MYO5A: variants seen among roughly 807,000 people sequenced by gnomAD.
The protein encoded by MYO5A is unconventional myosin-Va.
MYO5A carries 98 observed loss-of-function variants against 249.7 expected under a neutral mutation model. The ratio of observed to expected loss-of-function variants is 0.39; its 90% CI spans 0.33 to 0.46. The LOEUF is 0.46. Among genes scored for constraint, MYO5A ranks in the 20% least tolerant of loss-of-function variants. The probability of loss-of-function intolerance (pLI) is 0.98; values close to 1 mark genes in which losing one functional copy is unlikely to be tolerated. For missense variants in MYO5A, 1,696 were observed against 2,308.8 expected (o/e 0.73, Z 5.44); for synonymous variants, 778 against 810.6 (o/e 0.96, Z 0.68).
intron 2 of MYO5A, among the ~76,000 whole-genome samples, chr15:52,431,246 A>AAAAAAAAAAAAAAAAT (rs57077086): frequency 1.4e-5 from 2 of 144,538 alleles, no homozygotes; most frequent in Non-Finnish European, 1.5e-5. Context: ...AAAAAAAAAA[A>AAAAAAAAAAAAAAAAT]GTCTAGTGCA....
intron 25 of MYO5A, among the ~76,000 whole-genome samples, chr15:52,357,151 C>A (rs1488638923): frequency 6.6e-6 from 1 of 151,926 alleles, no homozygotes; most frequent in Non-Finnish European, 1.5e-5. Flanking sequence ...CTCTATACGT[C>A]CCCCATAAAA....
chr15:52,325,611 G>C (rs1490361440), intron 36 of MYO5A, among the ~76,000 whole-genome samples: 1 of 151,748 alleles, frequency 6.6e-6, no homozygotes, highest in African/African-American at 2.4e-5. Flanking sequence ...AATGTTGTCA[G>C]GGTTGGTCTC....
intron 6 of MYO5A, 30 bp from the exon 7 acceptor site, chr15:52,408,170 G>A (rs1312569071): frequency 1.1e-5 from 14 of 1,273,584 alleles, no homozygotes; most frequent in Non-Finnish European, 1.6e-5. Flanking sequence ...TTCAATTACA[G>A]CATTTTAATC....
At chr15:52,440,124 C>T (rs181034128) in intron 1 of MYO5A, among the ~76,000 whole-genome samples, 1 of 152,346 alleles carries the variant, frequency 6.6e-6, no homozygotes, top group African/African-American at 2.4e-5. Flanking sequence ...TAGAAAGGCA[C>T]GTTCAAGGGA....
At chr15:52,517,165 A>G (rs960688853) in intron 1 of MYO5A, among the ~76,000 whole-genome samples, 6 of 152,214 alleles carry the variant, frequency 3.9e-5, no homozygotes, top group East Asian at 1.9e-4. Context: ...ATGCACATAA[A>G]GAGTGCTATT....
rs780876880 is a variant in MYO5A, at chr15:52,348,858, CAG to C, written c.3850-34_3850-33del. ...ATCACAAGTCAGCAAGCACAAAAAA[CAG>C]AGAAAACAATAAACCCTTAGTTCCA... On this transcript the variant is annotated intron_variant, in intron 28 of 41. Coordinates refer to ENST00000399233, the MANE Select transcript of MYO5A (RefSeq NM_001382347.1). 4.4e-6 allele frequency: 7 copies of C among 1,594,996 alleles called. No homozygotes were observed. In the African/African-American group the frequency reaches 9.5e-5, roughly 22 times the overall value.
At chr15:52,388,134 C>T (rs182835709) in intron 13 of MYO5A, among the ~76,000 whole-genome samples, 19 of 152,242 alleles carry the variant, frequency 1.2e-4, no homozygotes, top group African/African-American at 3.9e-4. Flanking sequence ...ACAGTGGTAG[C>T]GCTGATTGTG....
chr15:52,325,499 T>C (rs1013798625), intron 36 of MYO5A, among the ~76,000 whole-genome samples: 2 of 150,642 alleles, frequency 1.3e-5, no homozygotes, highest in African/African-American at 4.9e-5. Context: ...CCTCACAGGC[T>C]CGAGCGATCC....
chr15:52,401,772 G>T (rs1344007165), intron 9 of MYO5A, among the ~76,000 whole-genome samples: 6 of 152,054 alleles, frequency 3.9e-5, no homozygotes, highest in African/African-American at 1.4e-4. Context: ...TCTCCTTTAT[G>T]AATTTTCATT....
chr15:52,461,609 T>C (rs1035543753), intron 1 of MYO5A, among the ~76,000 whole-genome samples: 1 of 152,162 alleles, frequency 6.6e-6, no homozygotes, highest in African/African-American at 2.4e-5. Flanking sequence ...TTAAATCTTA[T>C]ATGCTATCTA....
chr15:52,476,294 G>A (rs1284447043), intron 1 of MYO5A, among the ~76,000 whole-genome samples: 5 of 151,932 alleles, frequency 3.3e-5, no homozygotes, highest in South Asian at 2.1e-4. Context: ...GTCTCTGCAC[G>A]TGAGATGGGT....
chr15:52,506,484 G>A (rs34099958), intron 1 of MYO5A, among the ~76,000 whole-genome samples: 22,597 of 150,398 alleles, frequency 0.15, 1,804 homozygotes, highest in Middle Eastern at 0.23. Context: ...CCGAGATCGC[G>A]CCATTGTACT....
intron 8 of MYO5A, among the ~76,000 whole-genome samples, chr15:52,406,511 T>C (rs2043009937): frequency 6.6e-6 from 1 of 152,250 alleles, no homozygotes; most frequent in South Asian, 2.1e-4. Flanking sequence ...TTTGAGATTC[T>C]GCATTTCTAG....
chr15:52,463,641 T>C (rs1355151841), intron 1 of MYO5A, among the ~76,000 whole-genome samples: 3 of 152,252 alleles, frequency 2.0e-5, no homozygotes, highest in Admixed American at 6.5e-5. Context: ...ACTGGAAACA[T>C]TGTTAATCTG....
At chr15:52,405,164 C>G in intron 9 of MYO5A, 123 bp downstream of exon 9, 8 of 773,970 alleles carry the variant, frequency 1.0e-5, no homozygotes, top group Non-Finnish European at 1.8e-5. Flanking sequence ...TAACATATGT[C>G]TTTGATAATT....
At chr15:52,444,353 C>A (rs971881689) in intron 1 of MYO5A, among the ~76,000 whole-genome samples, 13 of 152,096 alleles carry the variant, frequency 8.5e-5, no homozygotes, top group South Asian at 2.1e-4. Flanking sequence ...AACAGAATCA[C>A]CAACAGGGAA....
intron 37 of MYO5A, 85 bp downstream of exon 37, chr15:52,323,270 T>C: frequency 1.6e-6 from 2 of 1,251,522 alleles, no homozygotes; most frequent in South Asian, 2.5e-5. Flanking sequence ...AAATAAATGG[T>C]TAAACATTTT....
At chr15:52,348,418 C>T (rs2039759593) in intron 29 of MYO5A, among the ~76,000 whole-genome samples, 1 of 152,194 alleles carries the variant, frequency 6.6e-6, no homozygotes, top group South Asian at 2.1e-4. Flanking sequence ...GAACAGTGTG[C>T]TCAGCTCCTC....
At chr15:52,424,732 T>C (rs1361194832) in intron 4 of MYO5A, among the ~76,000 whole-genome samples, 1 of 152,232 alleles carries the variant, frequency 6.6e-6, no homozygotes, top group Non-Finnish European at 1.5e-5. Flanking sequence ...ATATTTATAA[T>C]GTGTTCTGCT....
Sources: gnomAD v4.1 joint callset for allele counts (sites outside exome capture counted in the v4.1 genomes callset) on GRCh38, gnomAD v4.1.1 for gene constraint, MANE v1.5 for transcripts, NCBI Gene and HGNC (gene_info 2026-07-23, HGNC 2026-07-21) for gene names.